TOP6BL: variants seen among roughly 807,000 people sequenced by gnomAD.
TOP6BL encodes TOP6B like initiator of meiotic double strand breaks, also known as type 2 DNA topoisomerase 6 subunit B-like.
the TOP6BL span, among the ~76,000 whole-genome samples, chr11:66,782,889 C>T: frequency 6.6e-6 from 1 of 152,316 alleles, no homozygotes; most frequent in African/African-American, 2.4e-5. Flanking sequence ...TAACTTGATA[C>T]TGATAATGAT....
chr11:66,829,715 C>T, the TOP6BL span, among the ~76,000 whole-genome samples: 2 of 151,834 alleles, frequency 1.3e-5, no homozygotes, highest in African/African-American at 4.8e-5. Context: ...TGGCAAAACC[C>T]CATCTCTACA....
the TOP6BL span, chr11:66,843,494 G>A: frequency 2.0e-6 from 3 of 1,482,126 alleles, no homozygotes; most frequent in Middle Eastern, 2.3e-4. Context: ...GACTGCTGTC[G>A]GTGTCGCGGC....
At chr11:66,833,978 C>T in the TOP6BL span, among the ~76,000 whole-genome samples, 2 of 152,030 alleles carry the variant, frequency 1.3e-5, no homozygotes, top group Non-Finnish European at 2.9e-5. Flanking sequence ...CCTCTTTTAC[C>T]CTGTTCTTTT....
At chr11:66,788,013 C>T in the TOP6BL span, 1 of 550,926 alleles carries the variant, frequency 1.8e-6, no homozygotes, top group Non-Finnish European at 3.3e-6. Context: ...TGATGCATAG[C>T]CATTTCCAGT....
the TOP6BL span, among the ~76,000 whole-genome samples, chr11:66,818,123 A>C: frequency 6.6e-6 from 1 of 152,054 alleles, no homozygotes; most frequent in Non-Finnish European, 1.5e-5. Context: ...CTCTAGTGCT[A>C]TTTGGTGTGG....
the TOP6BL span, among the ~76,000 whole-genome samples, chr11:66,804,742 A>G: frequency 6.6e-6 from 1 of 152,108 alleles, no homozygotes; most frequent in South Asian, 2.1e-4. Context: ...GTTTGAGACC[A>G]GCCTGGCCAA....
chr11:66,824,681 G>A, the TOP6BL span, among the ~76,000 whole-genome samples: 1 of 142,942 alleles, frequency 7.0e-6, no homozygotes, highest in South Asian at 2.2e-4. Context: ...GCACTTATGA[G>A]TGAGAACATG....
chr11:66,795,061 G>T, the TOP6BL span, among the ~76,000 whole-genome samples: 1 of 149,306 alleles, frequency 6.7e-6, no homozygotes, highest in Admixed American at 6.7e-5. Context: ...TTGAACCCGG[G>T]AGGCAGAGGT....
the TOP6BL span, among the ~76,000 whole-genome samples, chr11:66,833,040 CTTTTTTTTT>C: frequency 5.1e-5 from 6 of 117,266 alleles, no homozygotes; most frequent in African/African-American, 1.0e-4. Context: ...ATCTTTCTGC[CTTTTTTTTT>C]TTTTTTTTTT....
At chr11:66,837,445 ATTT>A in the TOP6BL span, among the ~76,000 whole-genome samples, 3 of 111,842 alleles carry the variant, frequency 2.7e-5, no homozygotes, top group Admixed American at 9.5e-5. Flanking sequence ...CAAATTTTTA[ATTT>A]TTTTTTTTTT....
chr11:66,818,483 C>A, the TOP6BL span, among the ~76,000 whole-genome samples: 1 of 152,118 alleles, frequency 6.6e-6, no homozygotes, highest in African/African-American at 2.4e-5. Context: ...GGGGCTGTTC[C>A]CTGTGGCTTA....
the TOP6BL span, among the ~76,000 whole-genome samples, chr11:66,829,781 C>A: frequency 2.6e-5 from 4 of 151,584 alleles, no homozygotes; most frequent in South Asian, 8.4e-4. Flanking sequence ...CCCAGCTACT[C>A]GGGAGGCTGA....
At chr11:66,836,993 G>A in the TOP6BL span, among the ~76,000 whole-genome samples, 5 of 150,842 alleles carry the variant, frequency 3.3e-5, no homozygotes, top group African/African-American at 9.7e-5. Context: ...GCTACCGTGC[G>A]TGGCCTATAA....
chr11:66,756,173 ATATGAGT>A, the TOP6BL span, among the ~76,000 whole-genome samples: 1 of 152,244 alleles, frequency 6.6e-6, no homozygotes, highest in Non-Finnish European at 1.5e-5. Flanking sequence ...CAGAATATTT[ATATGAGT>A]TATAAGAAAG....
At chr11:66,783,726 A>T in the TOP6BL span, among the ~76,000 whole-genome samples, 1 of 152,042 alleles carries the variant, frequency 6.6e-6, no homozygotes, top group South Asian at 2.1e-4. Flanking sequence ...TCTATTTTTA[A>T]TGTCTCTTGC....
At chr11:66,819,897 CTT>C in the TOP6BL span, among the ~76,000 whole-genome samples, 1 of 99,570 alleles carries the variant, frequency 1.0e-5, no homozygotes, top group Non-Finnish European at 2.0e-5. Context: ...GAGCAAAACT[CTT>C]GTCTTAAAAA....
chr11:66,754,310 T>TC, the TOP6BL span, among the ~76,000 whole-genome samples: 1 of 152,208 alleles, frequency 6.6e-6, no homozygotes, highest in Non-Finnish European at 1.5e-5. Flanking sequence ...ATATTAGACT[T>TC]CCTAGACTGG....
chr11:66,806,656 T>A, the TOP6BL span, among the ~76,000 whole-genome samples: 1 of 152,040 alleles, frequency 6.6e-6, no homozygotes, highest in Admixed American at 6.6e-5. Flanking sequence ...TAGTCCCAGC[T>A]ACTCGGGAGA....
the TOP6BL span, among the ~76,000 whole-genome samples, chr11:66,781,011 A>G: frequency 1.3e-5 from 2 of 151,974 alleles, no homozygotes; most frequent in African/African-American, 4.8e-5. Flanking sequence ...CATTTTGACT[A>G]TTATATACCT....
Sources: gnomAD v4.1 joint callset for allele counts (sites outside exome capture counted in the v4.1 genomes callset) on GRCh38, gnomAD v4.1.1 for gene constraint, MANE v1.5 for transcripts, NCBI Gene and HGNC (gene_info 2026-07-23, HGNC 2026-07-21) for gene names.